PRKN: variants seen among roughly 807,000 people sequenced by gnomAD.
The protein encoded by PRKN is E3 ubiquitin-protein ligase parkin.
PRKN carries 56 observed loss-of-function variants against 59.5 expected under a neutral mutation model. The observed-to-expected ratio is 0.94, with a 90% confidence interval of 0.76 to 1.18. The LOEUF (loss-of-function observed/expected upper bound fraction) is 1.18, where lower values mean the gene tolerates loss of function less well. PRKN is among the 50% of genes most tolerant of loss of function. The pLI is 0.00. For synonymous variants in PRKN, 250 were observed against 222.1 expected (o/e 1.13, Z -1.12); for missense variants, 657 against 596.4 (o/e 1.10, Z -1.06).
intron 7 of PRKN, among the ~76,000 whole-genome samples, chr6:161,628,731 G>A (rs1017508266): frequency 3.3e-5 from 5 of 152,152 alleles, no homozygotes; most frequent in Non-Finnish European, 5.9e-5. Flanking sequence ...CTGCAGTACC[G>A]TTCATTGTTA....
Position 161,552,263 on chromosome 6 carries a change from C to CG in PRKN, c.934-3261_934-3260insC, listed in dbSNP as rs1780047770. Among the ~76,000 whole-genome samples, 1 of 151,110 alleles carries CG rather than the reference C, an allele frequency of 6.6e-6. No homozygotes were observed. The highest frequency in any genetic ancestry group is 2.5e-5 in the African/African-American group (1 of 40,436). On this transcript the variant is annotated intron_variant, in intron 8 of 11. Transcript: ENST00000366898. This position sits in a 1 kb window ranked among gnomAD's most constrained non-coding sequence, Gnocchi z 4.9. ...GCGGGACATCTCTCGATCACCTCTG[C>CG]CTATGACTGTGAATGATCTCACGGT... is the stretch of plus-strand genomic sequence containing the variant.
Position 161,562,793 on chromosome 6 carries a change from T to C in PRKN, c.933+6562A>G, listed in dbSNP as rs1780506193. Among the ~76,000 whole-genome samples the C allele has an allele frequency of 1.3e-5, 2 of 152,200 alleles. No homozygotes were observed. Among genetic ancestry groups the C allele is most frequent in the East Asian group, 3.9e-4 (2 of 5,192 alleles). ...GCCTCTCAAGATTCACTTCTTTTTG[T>C]CTCCGCTGCCAACTGTCTTAATCCA... On this transcript the variant is annotated intron_variant, in intron 8 of 11. Transcript: ENST00000366898. The surrounding 1 kb of genome is among the most constrained non-coding windows in gnomAD (Gnocchi z 4.3).
chr6:162,161,329 G>A (rs1301691069), intron 4 of PRKN, among the ~76,000 whole-genome samples: 2 of 152,162 alleles, frequency 1.3e-5, no homozygotes, highest in African/African-American at 4.8e-5. Flanking sequence ...GGCCATGTAT[G>A]TCACTAAAGG....
At chr6:162,184,904 T>C (rs1289250668) in intron 4 of PRKN, among the ~76,000 whole-genome samples, 4 of 152,168 alleles carry the variant, frequency 2.6e-5, no homozygotes, top group Non-Finnish European at 5.9e-5. Context: ...TACGAGTTTC[T>C]GTCTCCTAAA....
intron 9 of PRKN, among the ~76,000 whole-genome samples, chr6:161,521,637 AG>A (rs1241909161): frequency 6.6e-6 from 1 of 152,240 alleles, no homozygotes; most frequent in African/African-American, 2.4e-5. Context: ...ATGTTAAGAT[AG>A]CAACACTTTA....
chr6:162,613,973 T>C (rs1249547155), intron 1 of PRKN, among the ~76,000 whole-genome samples: 4 of 152,036 alleles, frequency 2.6e-5, no homozygotes, highest in Non-Finnish European at 4.4e-5. Context: ...ACAGCTAATA[T>C]GAAGAAACAA....
chr6:161,825,241 G>GTTA (rs1792191494), intron 6 of PRKN, among the ~76,000 whole-genome samples: 1 of 152,058 alleles, frequency 6.6e-6, no homozygotes, highest in African/African-American at 2.4e-5. Flanking sequence ...ATTGAAATAT[G>GTTA]TTATTTTTCT....
At chr6:162,636,159 A>G (rs58613048) in intron 1 of PRKN, among the ~76,000 whole-genome samples, 3,060 of 91,652 alleles carry the variant, frequency 0.033, 104 homozygotes, top group African/African-American at 0.16. Context: ...TAATTTGCCC[A>G]CAAAAAAGTT....
chr6:161,692,947 C>CAAAAAAA (rs59954623), intron 7 of PRKN, among the ~76,000 whole-genome samples: 4 of 120,906 alleles, frequency 3.3e-5, no homozygotes, highest in Non-Finnish European at 5.1e-5. Flanking sequence ...GACTCTGTCT[C>CAAAAAAA]AAAAAAAAAA....
At chr6:161,658,391 G>A (rs1280140421) in intron 7 of PRKN, among the ~76,000 whole-genome samples, 3 of 152,168 alleles carry the variant, frequency 2.0e-5, no homozygotes, top group Non-Finnish European at 4.4e-5. Context: ...CCCCCTCTCA[G>A]TCCAGTGACT....
At chr6:162,282,122 G>A (rs1248383572) in intron 2 of PRKN, among the ~76,000 whole-genome samples, 1 of 152,158 alleles carries the variant, frequency 6.6e-6, no homozygotes, top group African/African-American at 2.4e-5. Context: ...ACAGGTTCTG[G>A]CGCCACGGGG....
In PRKN at chr6:161,460,785, C is replaced by A. The variant is rs1184360674; in HGVS notation, c.1084-73908G>T. 6.7e-6 allele frequency among the ~76,000 whole-genome samples: 1 copy of A among 150,100 alleles called. No individual in the cohort carries two copies. Among genetic ancestry groups the A allele is most frequent in the South Asian group, 2.1e-4 (1 of 4,758 alleles). ...TTTTTTCTTCAGATGGAGTCTCGTT[C>A]TGTCGCCAGGCTGGAGTGCAGTGTC... is the stretch of plus-strand genomic sequence containing the variant. On this transcript the variant is annotated intron_variant, in intron 9 of 11. Transcript: ENST00000366898. The surrounding 1 kb of genome is among the most constrained non-coding windows in gnomAD (Gnocchi z 5.0).
Position 162,154,394 on chromosome 6 carries a change from A to G in PRKN, c.534+46737T>C, listed in dbSNP as rs117390082. Among the ~76,000 whole-genome samples, 53 of 152,332 alleles carry G rather than the reference A, an allele frequency of 3.5e-4. No individual in the cohort carries two copies. In the East Asian group the frequency reaches 9.7e-3, roughly 28 times the overall value. ...TATAAGGAATGGAAAATTCATTTCA[A>G]TTCAGTCCCCAAATCTAATATAGGT... On this transcript the variant is annotated intron_variant, in intron 4 of 11. Coordinates refer to ENST00000366898, the MANE Select transcript of PRKN (RefSeq NM_004562.3).
At chr6:162,244,939 T>C (rs1435557873) in intron 3 of PRKN, among the ~76,000 whole-genome samples, 5 of 152,124 alleles carry the variant, frequency 3.3e-5, no homozygotes, top group Non-Finnish European at 7.4e-5. Context: ...CCCTAAGAGA[T>C]AATGTAAGTG....
intron 7 of PRKN, among the ~76,000 whole-genome samples, chr6:161,754,509 A>C (rs1788830734): frequency 6.6e-6 from 1 of 152,094 alleles, no homozygotes; most frequent in Non-Finnish European, 1.5e-5. Context: ...GCGGTGCGTG[A>C]TTAGCAGCAG....
intron 3 of PRKN, 36 bp downstream of exon 3, chr6:162,262,489 C>A (rs1299039807): frequency 6.2e-7 from 1 of 1,613,432 alleles, no homozygotes; most frequent in South Asian, 1.1e-5. Context: ...AACAAACAAA[C>A]AAAATGCTTT....
chr6:161,994,276 T>C (rs1781759441), intron 5 of PRKN, among the ~76,000 whole-genome samples: 1 of 150,982 alleles, frequency 6.6e-6, no homozygotes, highest in South Asian at 2.1e-4. Flanking sequence ...ACAAAACCCA[T>C]ATAATCATCT....
chr6:162,268,838 G>C (rs1427953077), intron 2 of PRKN, among the ~76,000 whole-genome samples: 2 of 152,190 alleles, frequency 1.3e-5, no homozygotes, highest in Non-Finnish European at 2.9e-5. Context: ...GAAGACCAGG[G>C]TTTGGATGCT....
At chr6:162,311,730 G>A (rs1782527796) in intron 2 of PRKN, among the ~76,000 whole-genome samples, 1 of 151,986 alleles carries the variant, frequency 6.6e-6, no homozygotes. Flanking sequence ...TCTTAAGACT[G>A]CTCAGTGCTT....
Sources: allele counts gnomAD v4.1 joint callset (sites outside exome capture counted in the v4.1 genomes callset), GRCh38; gene constraint gnomAD v4.1.1; non-coding constraint Gnocchi (gnomAD v3.1); transcripts MANE v1.5; gene names NCBI Gene and HGNC (gene_info 2026-07-23, HGNC 2026-07-21).